FLRT1: variants seen among roughly 807,000 people sequenced by gnomAD.
The protein encoded by FLRT1 is fibronectin leucine rich transmembrane protein 1.
A neutral mutation model predicts 30.9 loss-of-function variants in FLRT1; 14 were observed. The observed-to-expected ratio is 0.45, with a 90% CI of 0.30 to 0.71. The LOEUF (loss-of-function observed/expected upper bound fraction) is 0.71, where lower values mean the gene tolerates loss of function less well. Ranked by LOEUF, FLRT1 falls within the 30% of genes least tolerant of loss-of-function variation. FLRT1 has a pLI of 0.08. For synonymous variants in FLRT1, 368 were observed against 430.4 expected (o/e 0.85, Z 1.80); for missense variants, 737 against 949.2 (o/e 0.78, Z 2.94).
At chr11:64,075,352 C>A (rs911797668) in intron 1 of FLRT1, among the ~76,000 whole-genome samples, 3 of 152,274 alleles carry the variant, frequency 2.0e-5, no homozygotes, top group African/African-American at 4.8e-5. Context: ...GGGTCTAAAC[C>A]GTTCCCTGGG....
chr11:64,073,500 G>T (rs1395915641), intron 1 of FLRT1, among the ~76,000 whole-genome samples: 1 of 152,258 alleles, frequency 6.6e-6, no homozygotes, highest in East Asian at 1.9e-4. Flanking sequence ...TTGGTGGAAG[G>T]ATTAGCTGAG....
chr11:64,076,693 T>C (rs909231005), intron 1 of FLRT1, among the ~76,000 whole-genome samples: 1 of 151,934 alleles, frequency 6.6e-6, no homozygotes, highest in Non-Finnish European at 1.5e-5. Flanking sequence ...CAGAAAGAGG[T>C]TGGTCCTCCA....
rs1227779996 is a variant in FLRT1, at chr11:64,035,961, G to A, written c.-1236G>A. The stretch of plus-strand genomic sequence containing the variant: ...CCTCCCGCGGCTCCGCCGGGCGCCC[G>A]AGCCGGGCAGATGCGCCGCCGCGCG... On this transcript the variant is annotated 5_prime_UTR_variant, in exon 1 of 3. Coordinates refer to ENST00000682287, the MANE Select transcript of FLRT1 (RefSeq NM_013280.5). 1 of 147,982 alleles carries A rather than the reference G, an allele frequency of 6.8e-6. No individual in the cohort carries two copies. Among genetic ancestry groups the A allele is most frequent in the East Asian group, 2.0e-4 (1 of 5,002 alleles). 9.2% of individuals were successfully genotyped at this position (147,982 alleles called of 1,614,324 possible).
intron 1 of FLRT1, among the ~76,000 whole-genome samples, chr11:64,080,114 G>A (rs1044821478): frequency 6.6e-6 from 1 of 152,186 alleles, no homozygotes; most frequent in Admixed American, 6.5e-5. Context: ...CCAGGTTCAA[G>A]CGATTCTCCT....
intron 1 of FLRT1, among the ~76,000 whole-genome samples, chr11:64,091,590 G>C (rs922975413): frequency 6.6e-6 from 1 of 152,038 alleles, no homozygotes; most frequent in Non-Finnish European, 1.5e-5. Flanking sequence ...GCACCTCCTG[G>C]AGTCCTTGCC....
intron 2 of FLRT1, among the ~76,000 whole-genome samples, chr11:64,106,414 G>A (rs1944764374): frequency 6.6e-6 from 1 of 152,166 alleles, no homozygotes; most frequent in African/African-American, 2.4e-5. Flanking sequence ...GATGTTTACT[G>A]AGCACTTTCT....
chr11:64,117,871 C>T lies in FLRT1; in HGVS notation c.1604C>T (p.Pro535Leu). ...GCAGAGACAGCCGACAGCTATGGCC[C>T]TACCACCACACTCAACCAGGAGCAG... ...AKAETADSYG[P>L]TTTLNQEQNA... The change falls in exon 3 of 3, where the codon CCT (proline) becomes CTT (leucine). Residue 535 changes from proline (P) to leucine (L), a missense_variant. Transcript: ENST00000682287. The T allele has an allele frequency of 3.1e-6, 5 of 1,614,130 alleles. No individual in the cohort carries two copies. The highest frequency in any genetic ancestry group is 4.2e-6 in the Non-Finnish European group (5 of 1,180,018).
chr11:64,048,066 C>G (rs1207813887), intron 1 of FLRT1, among the ~76,000 whole-genome samples: 1 of 152,206 alleles, frequency 6.6e-6, no homozygotes, highest in Non-Finnish European at 1.5e-5. Context: ...TGAGGCCCAG[C>G]CTGGCTCTCA....
Position 64,035,933 on chromosome 11 carries a change from A to T in FLRT1, c.-1264A>T, listed in dbSNP as rs1376716167. On this transcript the variant is annotated 5_prime_UTR_variant, in exon 1 of 3. Transcript: ENST00000682287. The stretch of plus-strand genomic sequence containing the variant: ...CCCCGCCGCTGGACGCACCCCCCGC[A>T]CTCCTCCCGCGGCTCCGCCGGGCGC... The T allele has an allele frequency of 7.2e-6, 1 of 139,732 alleles. No individual in the cohort carries two copies. Among genetic ancestry groups the T allele is most frequent in the African/African-American group, 2.6e-5 (1 of 37,740 alleles). 8.7% of individuals were successfully genotyped at this position (139,732 alleles called of 1,614,324 possible). A position where few individuals can be genotyped will look rare whatever the true frequency, so the allele number is the denominator to read the frequency against.
chr11:64,038,847 C>T (rs1400510753), intron 1 of FLRT1, among the ~76,000 whole-genome samples: 1 of 152,208 alleles, frequency 6.6e-6, no homozygotes, highest in Admixed American at 6.5e-5. Context: ...GAGGGTTTCT[C>T]TACCTGGCCT....
chr11:64,049,539 A>G (rs892278762), intron 1 of FLRT1, among the ~76,000 whole-genome samples: 1 of 152,218 alleles, frequency 6.6e-6, no homozygotes, highest in Non-Finnish European at 1.5e-5. Flanking sequence ...AGCCTCCCCA[A>G]GCGGTCTTGG....
chr11:64,058,367 C>T (rs1943831280), intron 1 of FLRT1, among the ~76,000 whole-genome samples: 4 of 152,252 alleles, frequency 2.6e-5, no homozygotes, highest in Admixed American at 2.6e-4. Flanking sequence ...CCAGGCAGGG[C>T]TTAGTCTGGA....
chr11:64,078,742 T>G (rs1590876788), intron 1 of FLRT1, among the ~76,000 whole-genome samples: 2 of 137,078 alleles, frequency 1.5e-5, no homozygotes, highest in South Asian at 2.3e-4. Flanking sequence ...CACCCCAAGC[T>G]GGGGAGACAG....
rs747209239 is a variant in FLRT1 at position 64,117,820 on chromosome 11, C to A, written c.1553C>A (p.Ala518Asp). Residue 518 changes from alanine (A) to aspartate (D), a missense_variant, in exon 3 of 3, where the codon GCT becomes GAT. Physicochemically the swap from Ala to Asp is moderately radical, Grantham distance 126. Coordinates refer to ENST00000682287, the MANE Select transcript of FLRT1 (RefSeq NM_013280.5). ...VTMETSNAYVADETPVCAKAE... is the reference protein window; with the variant it reads ...VTMETSNAYVDDETPVCAKAE... ...ATGGAGACCAGCAATGCCTACGTAG[C>A]TGATGAGACACCCGTGTGTGCCAAG... The A allele has an allele frequency of 1.6e-5, 26 of 1,614,092 alleles. No individual in the cohort carries two copies. The highest frequency in any genetic ancestry group is 2.0e-5 in the Non-Finnish European group (24 of 1,180,054).
At chr11:64,092,024 C>T (rs1328608922) in intron 1 of FLRT1, among the ~76,000 whole-genome samples, 1 of 152,218 alleles carries the variant, frequency 6.6e-6, no homozygotes, top group African/African-American at 2.4e-5. Context: ...CACGTGATCT[C>T]AGCTCCTGAG....
intron 1 of FLRT1, among the ~76,000 whole-genome samples, chr11:64,037,452 T>G (rs1313027439): frequency 6.6e-6 from 1 of 152,212 alleles, no homozygotes; most frequent in Non-Finnish European, 1.5e-5. Context: ...TGTCAGCTGG[T>G]GCTGACTCCG....
intron 1 of FLRT1, among the ~76,000 whole-genome samples, chr11:64,100,263 C>T (rs1331035991): frequency 1.3e-5 from 2 of 152,198 alleles, no homozygotes; most frequent in African/African-American, 2.4e-5. Flanking sequence ...GAGGGTGGTG[C>T]AGAGATGTGA....
chr11:64,047,564 T>C (rs1428524016), intron 1 of FLRT1, among the ~76,000 whole-genome samples: 1 of 152,020 alleles, frequency 6.6e-6, no homozygotes, highest in Non-Finnish European at 1.5e-5. Flanking sequence ...CAGATGTACT[T>C]AGAGGCTCCA....
intron 2 of FLRT1, among the ~76,000 whole-genome samples, chr11:64,105,964 G>C (rs528314302): frequency 8.8e-6 from 1 of 113,418 alleles, no homozygotes; most frequent in Non-Finnish European, 1.7e-5. Flanking sequence ...ATCCGTGAGT[G>C]TATCTGTGGG....
Sources: allele counts gnomAD v4.1 joint callset (sites outside exome capture counted in the v4.1 genomes callset), GRCh38; gene constraint gnomAD v4.1.1; transcripts MANE v1.5; gene names NCBI Gene and HGNC (gene_info 2026-07-23, HGNC 2026-07-21).